Variants in SPEG observed in about 807,000 individuals in gnomAD.
SPEG encodes the protein striated muscle enriched protein kinase.
A neutral mutation model predicts 300.4 loss-of-function variants in SPEG; 114 were observed. The observed-to-expected ratio is 0.38, with a 90% CI of 0.33 to 0.44. The LOEUF (loss-of-function observed/expected upper bound fraction) is 0.44, where lower values mean the gene tolerates loss of function less well. Ranked by LOEUF, SPEG falls within the 20% of genes least tolerant of loss-of-function variation. The probability of loss-of-function intolerance (pLI) is 1.00; values close to 1 mark genes in which losing one functional copy is unlikely to be tolerated. For synonymous variants in SPEG, 1,964 were observed against 2,018.9 expected, an observed-to-expected ratio of 0.97 and a Z score of 0.73; for missense variants, 4,201 against 4,586.2, an observed-to-expected ratio of 0.92 and a Z score of 2.43.
intron 18 of SPEG, among the ~76,000 whole-genome samples, chr2:219,474,738 G>A (rs1054344480): frequency 3.3e-5 from 5 of 151,424 alleles, no homozygotes; most frequent in South Asian, 2.1e-4. Flanking sequence ...AATCCTGGCC[G>A]CCCTTCGGCA....
At chr2:219,466,937 A>C (rs1346547868) in intron 9 of SPEG, 1 of 1,093,666 alleles carries the variant, frequency 9.1e-7, no homozygotes, top group Non-Finnish European at 1.2e-6. Flanking sequence ...CCCCTCCCTC[A>C]GTTCCCTCTT....
Position 219,451,771 on chromosome 2 carries a change from C to A in SPEG, c.2404C>A (p.Gln802Lys). The A allele has an allele frequency of 1.3e-6, 2 of 1,554,092 alleles. No homozygotes were observed. The highest frequency in any genetic ancestry group is 1.9e-5 in the Admixed American group (1 of 51,866). The change falls in exon 6 of 41, where the codon CAG becomes AAG. Residue 802 changes from glutamine (Q) to lysine (K), a missense_variant. Transcript: ENST00000312358. This position sits in a 1 kb window ranked among gnomAD's most constrained non-coding sequence, Gnocchi z 6.4. ...GGCCACCGCCACCAACGAGCTGGGC[C>A]AGGCCACCTGTGCCGCCTCACTGAC... Reference protein sequence around the residue: ...YMATATNELGQATCAASLTVR... With the variant: ...YMATATNELGKATCAASLTVR...
In SPEG at chr2:219,464,195, A is replaced by G. The variant is rs1691033621; in HGVS notation, c.2706-238A>G. Among the ~76,000 whole-genome samples, 1 of 151,820 alleles carries G rather than the reference A, an allele frequency of 6.6e-6. No homozygotes were observed. The highest frequency in any genetic ancestry group is 1.5e-5 in the Non-Finnish European group (1 of 67,978). ...ACTCTGAATGCAGCAGGGTTCCGAG[A>G]AGGGAGAGCTGCAGGCAGTTAGAAG... On this transcript the variant is annotated intron_variant, in intron 8 of 40. Coordinates refer to ENST00000312358, the MANE Select transcript of SPEG (RefSeq NM_005876.5). This position sits in a 1 kb window ranked among gnomAD's most constrained non-coding sequence, Gnocchi z 4.5.
At position 219,478,052 on chromosome 2, in the gene SPEG, C is replaced by T. The variant is rs374325938; in HGVS notation, c.4974C>T (p.Leu1658=). The T allele has an allele frequency of 1.2e-6, 2 of 1,614,114 alleles. No homozygotes were observed. Among genetic ancestry groups the T allele is most frequent in the African/African-American group, 2.7e-5 (2 of 74,948 alleles). The change falls in exon 22 of 41, where the codon CTC becomes CTT. Residue 1658 remains leucine (L), a synonymous_variant. Transcript: ENST00000312358. ...CCAGGCTCCAGCACGACTGTGTCCT[C>T]TACTTCCATGAGGCCTTCGAGAGGC... The part of the protein sequence containing the change: ...LLARLQHDCV[L]YFHEAFERRR...
In SPEG at chr2:219,445,740, T is replaced by TG. The variant is rs1017381397; in HGVS notation, c.815+584dup. 2.5e-5 allele frequency: 1 copy of TG among 40,430 alleles called. No homozygotes were observed. The highest frequency in any genetic ancestry group is 1.0e-4 in the African/African-American group (1 of 9,658). 2.5% of individuals were successfully genotyped at this position (40,430 alleles called of 1,614,324 possible). A position where few individuals can be genotyped will look rare whatever the true frequency, so the allele number is the denominator to read the frequency against. On this transcript the variant is annotated intron_variant, in intron 3 of 40. Coordinates refer to ENST00000312358, the MANE Select transcript of SPEG (RefSeq NM_005876.5). The surrounding 1 kb of genome is among the most constrained non-coding windows in gnomAD (Gnocchi z 6.1). ...CCTGTGAAAGCAGGAGGCCATGGGCTGGGGGTGGCAGGGGGCTGGGAAAGG... is the reference window on the plus strand; with the variant it reads ...CCTGTGAAAGCAGGAGGCCATGGGCTGGGGGGTGGCAGGGGGCTGGGAAAGG...
rs543246893 is a variant in SPEG at position 219,463,440 on chromosome 2, T to G, written c.2706-993T>G. The stretch of plus-strand genomic sequence containing the variant: ...TTTTTTTTTTTTTTTTAGCTGGAGT[T>G]TCACTCTTTGTCGCCCAGGCTGGAG... On this transcript the variant is annotated intron_variant, in intron 8 of 40. Coordinates refer to ENST00000312358, the MANE Select transcript of SPEG (RefSeq NM_005876.5). Among the ~76,000 whole-genome samples the G allele has an allele frequency of 8.8e-4, 115 of 130,352 alleles. 1 individual carries two copies. The highest frequency in any genetic ancestry group is 4.3e-3 in the Middle Eastern group (1 of 232). The allele number at this position is 130,352 out of a possible 152,430, so 85.5% of individuals were successfully genotyped here.
At chr2:219,478,148 A>G (rs1487425093) in intron 22 of SPEG, 43 bp downstream of exon 22, 2 of 1,540,364 alleles carry the variant, frequency 1.3e-6, no homozygotes, top group African/African-American at 2.7e-5. Flanking sequence ...CCATGCCTAA[A>G]TGACTGGTCC....
intron 6 of SPEG, among the ~76,000 whole-genome samples, chr2:219,455,496 A>T (rs1168406741): frequency 3.9e-5 from 6 of 152,224 alleles, no homozygotes; most frequent in Non-Finnish European, 8.8e-5. Flanking sequence ...GCTTTTAAAT[A>T]GTCTCAGGTG....
chr2:219,439,206 A>G lies in SPEG; in HGVS notation c.388+3841A>G, dbSNP rs1056752013. ...AGGCTGGATGAGTGGAAGCCGTTGC[A>G]GGAAGATTTACTGTCCCCGTTCCCA... On this transcript the variant is annotated intron_variant, in intron 1 of 40. Coordinates refer to ENST00000312358, the MANE Select transcript of SPEG (RefSeq NM_005876.5). This position sits in a 1 kb window ranked among gnomAD's most constrained non-coding sequence, Gnocchi z 4.5. Among the ~76,000 whole-genome samples the G allele has an allele frequency of 6.6e-6, 1 of 152,184 alleles. No homozygotes were observed. The highest frequency in any genetic ancestry group is 2.4e-5 in the African/African-American group (1 of 41,436).
chr2:219,480,250 T>G lies in SPEG; in HGVS notation c.5342+110T>G, dbSNP rs1575158298. On this transcript the variant is annotated intron_variant, in intron 25 of 40. Transcript: ENST00000312358. The surrounding 1 kb of genome is among the most constrained non-coding windows in gnomAD (Gnocchi z 5.3). ...ACCGAGCCTGAATTCCTCCTGAAGG[T>G]GGGCTGGAGGCATTGTTTGCAGGGT... is the stretch of plus-strand genomic sequence containing the variant. 1.6e-6 allele frequency: 2 copies of G among 1,214,156 alleles called. No homozygotes were observed. Among genetic ancestry groups the G allele is most frequent in the South Asian group, 2.8e-5 (2 of 71,520 alleles). The allele number at this position is 1,214,156 out of a possible 1,614,324, so 75.2% of individuals were successfully genotyped here.
In SPEG at chr2:219,493,442, G is replaced by T; in HGVS notation, c.*656G>T. On this transcript the variant is annotated 3_prime_UTR_variant, in exon 41 of 41. Coordinates refer to ENST00000312358, the MANE Select transcript of SPEG (RefSeq NM_005876.5). ...GGATACAGCCCTGGGCGCTCTGCTG[G>T]CCCAAGGATGTCCCCACTGCCCCTC... 2 of 418,004 alleles carry T rather than the reference G, an allele frequency of 4.8e-6. No homozygotes were observed. Among genetic ancestry groups the T allele is most frequent in the Non-Finnish European group, 4.9e-6 (1 of 205,426 alleles). 25.9% of individuals were successfully genotyped at this position (418,004 alleles called of 1,614,324 possible).
rs183498537 is a variant in SPEG, at chr2:219,439,014, A to T, written c.388+3649A>T. Among the ~76,000 whole-genome samples the T allele has an allele frequency of 4.4e-4, 67 of 152,318 alleles. No individual in the cohort carries two copies. The highest frequency in any genetic ancestry group is 6.5e-4 in the Non-Finnish European group (44 of 68,032). ...GGGAATGGGTATGGGGAGTGTCAAC[A>T]TGCATGCATGCCAAGTGCTGACCAG... On this transcript the variant is annotated intron_variant, in intron 1 of 40. Coordinates refer to ENST00000312358, the MANE Select transcript of SPEG (RefSeq NM_005876.5). This position sits in a 1 kb window ranked among gnomAD's most constrained non-coding sequence, Gnocchi z 4.5.
In SPEG at chr2:219,493,476, C is replaced by T. The variant is rs1050816; in HGVS notation, c.*690C>T. ...TGTCCCCACTGCCCCTCCATGGCCT[C>T]TGGCCTTCTTCCCATTCATATTTAT... is the stretch of plus-strand genomic sequence containing the variant. On this transcript the variant is annotated 3_prime_UTR_variant, in exon 41 of 41. Coordinates refer to ENST00000312358, the MANE Select transcript of SPEG (RefSeq NM_005876.5). 0.37 allele frequency: 165,564 copies of T among 443,912 alleles called. 32,593 individuals are homozygous for T. Among genetic ancestry groups the T allele is most frequent in the African/African-American group, 0.51 (25,587 of 49,922 alleles). The allele number at this position is 443,912 out of a possible 1,614,324, so 27.5% of individuals were successfully genotyped here. A position where few individuals can be genotyped will look rare whatever the true frequency, so the allele number is the denominator to read the frequency against.
At chr2:219,437,674 G>A (rs1212279341) in intron 1 of SPEG, among the ~76,000 whole-genome samples, 2 of 152,130 alleles carry the variant, frequency 1.3e-5, no homozygotes, top group Admixed American at 6.5e-5. Flanking sequence ...AACCATGTGT[G>A]TAACTATTAC....
rs1231214533 is a variant in SPEG at position 219,449,023 on chromosome 2, G to A, written c.1865G>A (p.Arg622Lys). The part of the protein sequence containing the change: ...PPPAADPPEA[R>K]TKAPPGRKRE... ...CCCGCCGCCGATCCCCCAGAGGCCA[G>A]GACGAAAGCACCCCCCGGTCGGAAG... The change falls in exon 4 of 41, where the codon AGG becomes AAG. Residue 622 changes from arginine to lysine, a missense_variant. Physicochemically the swap from Arg to Lys is conservative, Grantham distance 26. Around this residue, in one of 4 missense-constraint regions of SPEG, gnomAD observed 1,258 missense variants for 1,293.9 expected, o/e 0.97. Transcript: ENST00000312358. The A allele has an allele frequency of 1.3e-6, 2 of 1,520,256 alleles. No individual in the cohort carries two copies. The highest frequency in any genetic ancestry group is 2.9e-5 in the African/African-American group (2 of 69,422). 94.2% of individuals were successfully genotyped at this position (1,520,256 alleles called of 1,614,324 possible). A position where few individuals can be genotyped will look rare whatever the true frequency, so the allele number is the denominator to read the frequency against.
rs766509872 is a variant in SPEG, at chr2:219,489,230, A to G, written c.8317+9A>G. The G allele has an allele frequency of 1.2e-6, 2 of 1,613,686 alleles. No homozygotes were observed. The highest frequency in any genetic ancestry group is 1.7e-6 in the Non-Finnish European group (2 of 1,179,836). On this transcript the variant is annotated intron_variant, in intron 35 of 40. Coordinates refer to ENST00000312358, the MANE Select transcript of SPEG (RefSeq NM_005876.5). ...TGTCAGGGGTACTCAAGGTCAGTGC[A>G]ATGGTATGGGGTGGGAGGAGGAAGG... is the stretch of plus-strand genomic sequence containing the variant.
chr2:219,435,440 G>A (rs2125184799), intron 1 of SPEG, 75 bp downstream of exon 1: 2 of 1,430,514 alleles, frequency 1.4e-6, no homozygotes, highest in Admixed American at 4.9e-5. Context: ...CAGGCCACGC[G>A]GGTAAGGTAC....
At chr2:219,467,505 A>G in intron 10 of SPEG, 71 bp downstream of exon 10, 1 of 1,515,390 alleles carries the variant, frequency 6.6e-7, no homozygotes, top group Non-Finnish European at 8.9e-7. Flanking sequence ...GGGGGTGTAC[A>G]GTAAGATGCC....
intron 13 of SPEG, among the ~76,000 whole-genome samples, chr2:219,469,977 G>T (rs1318808696): frequency 6.6e-6 from 1 of 152,144 alleles, no homozygotes; most frequent in Non-Finnish European, 1.5e-5. Context: ...CTTAGCCTGG[G>T]ATACTTTCTT....
Sources: gnomAD v4.1 joint callset for allele counts (sites outside exome capture counted in the v4.1 genomes callset) on GRCh38, gnomAD v4.1.1 for gene constraint, gnomAD v4.1.1 regional missense constraint, Gnocchi (gnomAD v3.1) non-coding constraint, MANE v1.5 for transcripts, NCBI Gene and HGNC (gene_info 2026-07-23, HGNC 2026-07-21) for gene names.